The following STK32B variants were observed in gnomAD, a reference collection of about 807,000 sequenced individuals.
The protein encoded by STK32B is serine/threonine-protein kinase 32B.
In STK32B, 43 loss-of-function variants were observed where a neutral mutation model predicts 52.6. The ratio of observed to expected loss-of-function variants is 0.82; its 90% CI spans 0.64 to 1.05. The LOEUF (loss-of-function observed/expected upper bound fraction) is 1.05. Ranked by LOEUF, STK32B falls within the 50% of genes least tolerant of loss-of-function variation. The pLI, the probability that STK32B is intolerant of heterozygous loss-of-function variation, is 0.00. For missense variants in STK32B, 621 were observed against 534.6 expected, an observed-to-expected ratio of 1.16 and a Z score of -1.59; for synonymous variants, 238 against 204.3, an observed-to-expected ratio of 1.17 and a Z score of -1.41.
chr4:5,447,977 C>A (rs1400725689), intron 7 of STK32B, among the ~76,000 whole-genome samples: 1 of 152,208 alleles, frequency 6.6e-6, no homozygotes, highest in African/African-American at 2.4e-5. Context: ...TAGGAGGTGC[C>A]TTCCTTGAGG....
At chr4:5,214,736 C>T (rs1381592705) in intron 3 of STK32B, among the ~76,000 whole-genome samples, 1 of 152,160 alleles carries the variant, frequency 6.6e-6, no homozygotes, top group Non-Finnish European at 1.5e-5. Context: ...TAGTCTTTTG[C>T]TTATTTTCAG....
intron 6 of STK32B, among the ~76,000 whole-genome samples, chr4:5,444,264 G>A (rs539592610): frequency 2.0e-5 from 3 of 152,348 alleles, no homozygotes; most frequent in East Asian, 3.9e-4. Context: ...CTCCGTGGGT[G>A]TAGGACCCTC....
intron 3 of STK32B, among the ~76,000 whole-genome samples, chr4:5,222,067 G>A (rs1308003546): frequency 6.6e-6 from 1 of 152,170 alleles, no homozygotes; most frequent in Non-Finnish European, 1.5e-5. Flanking sequence ...CAGCATCAAA[G>A]TGCCATCTTG....
chr4:5,292,962 C>T (rs937983511), intron 3 of STK32B, among the ~76,000 whole-genome samples: 2 of 151,978 alleles, frequency 1.3e-5, no homozygotes, highest in Non-Finnish European at 2.9e-5. Flanking sequence ...CCCTGACAGG[C>T]CCTGGTGTGT....
At chr4:5,371,024 G>GTATATA (rs887409254) in intron 4 of STK32B, among the ~76,000 whole-genome samples, 1 of 148,758 alleles carries the variant, frequency 6.7e-6, no homozygotes, top group Non-Finnish European at 1.5e-5. Context: ...ATATATATGT[G>GTATATA]TATATATATG....
At chr4:5,164,340 C>T (rs1051436082) in intron 2 of STK32B, among the ~76,000 whole-genome samples, 5 of 152,144 alleles carry the variant, frequency 3.3e-5, no homozygotes, top group Admixed American at 2.6e-4. Context: ...CCTCACATAG[C>T]CTTCCGCCTG....
At chr4:5,385,146 T>C (rs534150490) in intron 4 of STK32B, among the ~76,000 whole-genome samples, 2 of 151,280 alleles carry the variant, frequency 1.3e-5, no homozygotes, top group South Asian at 4.2e-4. Context: ...GGAGCAAGGG[T>C]GAGGCTTTCC....
chr4:5,326,379 A>AT (rs1169690540), intron 3 of STK32B, among the ~76,000 whole-genome samples: 1 of 151,040 alleles, frequency 6.6e-6, no homozygotes, highest in African/African-American at 2.5e-5. Flanking sequence ...AAGTAGCTTA[A>AT]TTAAAAAAAA....
intron 3 of STK32B, among the ~76,000 whole-genome samples, chr4:5,207,830 CTG>C (rs75067090): frequency 0.055 from 8,284 of 151,910 alleles, 418 homozygotes; most frequent in Admixed American, 0.17. Flanking sequence ...GTTGCATGAC[CTG>C]TGTCATATGT....
At chr4:5,481,513 AT>A (rs1432221421) in intron 11 of STK32B, among the ~76,000 whole-genome samples, 2 of 151,774 alleles carry the variant, frequency 1.3e-5, no homozygotes, top group Non-Finnish European at 1.5e-5. Context: ...GATTGCAAAA[AT>A]TTTCTCCCAT....
At chr4:5,050,691 T>A (rs1051564044), upstream of STK32B, among the ~76,000 whole-genome samples, 2 of 152,286 alleles carry the variant, frequency 1.3e-5, no homozygotes, top group Admixed American at 1.3e-4. Context: ...CAGGGGGACC[T>A]GCCTGTCCCT....
chr4:5,436,364 GC>G (rs1001255424), intron 6 of STK32B, among the ~76,000 whole-genome samples: 11 of 152,018 alleles, frequency 7.2e-5, no homozygotes, highest in Admixed American at 1.3e-4. Flanking sequence ...CAGAATCCCA[GC>G]ACTTAGATGC....
intron 3 of STK32B, among the ~76,000 whole-genome samples, chr4:5,218,905 C>G (rs969376395): frequency 6.6e-6 from 1 of 152,156 alleles, no homozygotes; most frequent in African/African-American, 2.4e-5. Context: ...ACTGCCAGGC[C>G]CCTACTGGGC....
chr4:5,397,649 G>C (rs1250262936), intron 4 of STK32B, among the ~76,000 whole-genome samples: 1 of 152,152 alleles, frequency 6.6e-6, no homozygotes, highest in East Asian at 1.9e-4. Context: ...TGTGTCTGTG[G>C]GTGTGTGTAC....
the STK32B span, among the ~76,000 whole-genome samples, chr4:5,032,753 TC>T: frequency 6.6e-6 from 1 of 152,108 alleles, no homozygotes; most frequent in Non-Finnish European, 1.5e-5. Flanking sequence ...TTTCTCATCT[TC>T]CCAAGCTGAA....
In STK32B at chr4:5,383,214, C is replaced by T. The variant is rs117749795; in HGVS notation, c.435-14993C>T. Among the ~76,000 whole-genome samples the T allele has an allele frequency of 2.4e-4, 36 of 152,204 alleles. 1 individual carries two copies. In the East Asian group the frequency reaches 6.4e-3, roughly 27 times the overall value. ...TATTTTTCAGCTGATCTGTGCCCAC[C>T]GCGCCAGCTTGTCTGACTCCCACAT... On this transcript the variant is annotated intron_variant, in intron 4 of 11. Coordinates refer to ENST00000282908, the MANE Select transcript of STK32B (RefSeq NM_018401.3).
chr4:5,141,857 T>C (rs970351302), intron 2 of STK32B, among the ~76,000 whole-genome samples: 2 of 152,138 alleles, frequency 1.3e-5, no homozygotes, highest in African/African-American at 4.8e-5. Flanking sequence ...TCTCCTCAGG[T>C]TTCCTATCTA....
At chr4:5,418,734 G>T (rs2107522) in intron 6 of STK32B, among the ~76,000 whole-genome samples, 1 of 152,192 alleles carries the variant, frequency 6.6e-6, no homozygotes, top group African/African-American at 2.4e-5. Flanking sequence ...TCCCAGTTTG[G>T]CCTCACTTAA....
At chr4:5,477,515 CCT>C (rs1213738073) in intron 11 of STK32B, among the ~76,000 whole-genome samples, 5 of 152,148 alleles carry the variant, frequency 3.3e-5, no homozygotes, top group African/African-American at 1.2e-4. Flanking sequence ...CCCCAGATCC[CCT>C]CTCTGAGTCC....
Sources: allele counts gnomAD v4.1 joint callset (sites outside exome capture counted in the v4.1 genomes callset), GRCh38; gene constraint gnomAD v4.1.1; transcripts MANE v1.5; gene names NCBI Gene and HGNC (gene_info 2026-07-23, HGNC 2026-07-21).